Variants in KIF26B observed in about 807,000 individuals in gnomAD.
KIF26B encodes the protein kinesin family member 26B.
In KIF26B, 63 loss-of-function variants were observed where a neutral mutation model predicts 151.2. That is an observed-to-expected ratio of 0.42 (90% CI 0.34 to 0.51). The LOEUF is 0.51. KIF26B is among the 20% of genes least tolerant of loss of function. The pLI is 0.07. For missense variants in KIF26B, 2,813 were observed against 2,913.6 expected, an observed-to-expected ratio of 0.97 and a Z score of 0.79; for synonymous variants, 1,357 against 1,262.1, an observed-to-expected ratio of 1.08 and a Z score of -1.59.
chr1:245,289,860 C>G (rs755174636), intron 2 of KIF26B, among the ~76,000 whole-genome samples: 1 of 152,074 alleles, frequency 6.6e-6, no homozygotes, highest in African/African-American at 2.4e-5. Context: ...AAGTAGCAAC[C>G]CTCTGCTTAG....
chr1:245,242,216 C>A (rs1426557882), intron 2 of KIF26B, among the ~76,000 whole-genome samples: 2 of 152,202 alleles, frequency 1.3e-5, no homozygotes, highest in Non-Finnish European at 1.5e-5. Context: ...CACAGCGAGA[C>A]CCTGTCTCTA....
chr1:245,215,329 A>G (rs1489512339), intron 2 of KIF26B, among the ~76,000 whole-genome samples: 1 of 151,870 alleles, frequency 6.6e-6, no homozygotes, highest in African/African-American at 2.4e-5. Flanking sequence ...ACCTCCCTTC[A>G]CCGTGCTATT....
Position 245,687,887 on chromosome 1 carries a change from C to T in KIF26B, c.4904C>T (p.Ala1635Val), listed in dbSNP as rs946388727. Residue 1635 changes from alanine to valine, a missense_variant, in exon 12 of 15, where the codon GCG becomes GTG. Around this residue, in one of 3 missense-constraint regions of KIF26B, gnomAD observed 2,060 missense variants for 2,088.6 expected, o/e 0.99. Transcript: ENST00000407071. The surrounding 1 kb of genome is among the most constrained non-coding windows in gnomAD (Gnocchi z 4.9). ...SPLNQPAAFP[A>V]GLPDEPSGKT... Reference sequence around the variant, plus strand: ...CTGAACCAACCAGCCGCCTTCCCGGCGGGCCTCCCAGACGAGCCTAGCGGC... The same window carrying T: ...CTGAACCAACCAGCCGCCTTCCCGGTGGGCCTCCCAGACGAGCCTAGCGGC... The T allele has an allele frequency of 4.4e-6, 7 of 1,590,848 alleles. No homozygotes were observed. Among genetic ancestry groups the T allele is most frequent in the Non-Finnish European group, 6.0e-6 (7 of 1,170,408 alleles).
At position 245,688,016 on chromosome 1, in the gene KIF26B, A is replaced by G. The variant is rs1317836761; in HGVS notation, c.5033A>G (p.Glu1678Gly). The change falls in exon 12 of 15, where the codon GAA (glutamate) becomes GGA (glycine). Residue 1678 changes from glutamate to glycine, a missense_variant. Physicochemically the swap from Glu to Gly is moderately conservative, Grantham distance 98 (BLOSUM62 -2). This residue lies in a region of KIF26B where 2,060 missense variants were observed against 2,088.6 expected (regional missense o/e 0.99). Coordinates refer to ENST00000407071, the MANE Select transcript of KIF26B (RefSeq NM_018012.4). ...GGCAGGGCGACAGTCAGCCACTACG[A>G]ATGCCTCTCCCTGGAGCGGGCCGAG... Reference protein sequence around the residue: ...SLGRATVSHYECLSLERAESL... With the variant: ...SLGRATVSHYGCLSLERAESL... The G allele has an allele frequency of 3.2e-6, 5 of 1,562,666 alleles. No homozygotes were observed. The highest frequency in any genetic ancestry group is 4.3e-6 in the Non-Finnish European group (5 of 1,154,742).
In KIF26B at chr1:245,640,122, G is replaced by GCTCTCTCTCTCTCT. The variant is rs376565844; in HGVS notation, c.2099-5990_2099-5977dup. 7.3e-3 allele frequency among the ~76,000 whole-genome samples: 395 copies of GCTCTCTCTCTCTCT among 53,896 alleles called. 57 individuals are homozygous for GCTCTCTCTCTCTCT. Among genetic ancestry groups the GCTCTCTCTCTCTCT allele is most frequent in the African/African-American group, 0.018 (243 of 13,290 alleles). 35.4% of individuals were successfully genotyped at this position (53,896 alleles called of 152,430 possible). ...CTCCTGTTTAGATCTACTAATATTT[G>GCTCTCTCTCTCTCT]CTCTCTCTCTCTCTCTCTCTCTATA... On this transcript the variant is annotated intron_variant, in intron 9 of 14. Transcript: ENST00000407071.
At chr1:245,295,029 A>G (rs116346961) in intron 2 of KIF26B, among the ~76,000 whole-genome samples, 73 of 152,238 alleles carry the variant, frequency 4.8e-4, no homozygotes, top group Non-Finnish European at 8.5e-4. Context: ...CATATTTTCT[A>G]AAGTACATCC....
chr1:245,387,152 T>G (rs1673567863), intron 3 of KIF26B, among the ~76,000 whole-genome samples: 1 of 90,420 alleles, frequency 1.1e-5, no homozygotes, highest in African/African-American at 5.1e-5. Context: ...AGGTTTTTTT[T>G]TGTTTTTTGT....
intron 8 of KIF26B, among the ~76,000 whole-genome samples, chr1:245,609,956 A>T (rs2043500858): frequency 1.3e-5 from 2 of 152,180 alleles, no homozygotes; most frequent in Non-Finnish European, 1.5e-5. Flanking sequence ...TGCAGGAAAA[A>T]CTAATAACCA....
chr1:245,563,880 G>A lies in KIF26B; in HGVS notation c.1350+22930G>A, dbSNP rs954873676. On this transcript the variant is annotated intron_variant, in intron 5 of 14. Transcript: ENST00000407071. The surrounding 1 kb of genome is among the most constrained non-coding windows in gnomAD (Gnocchi z 4.6). The stretch of plus-strand genomic sequence containing the variant: ...TGAACTTGACCTTGCTCTCCTCCTC[G>A]GGTCAGGCCTGCCGACCCTGCACTA... Among the ~76,000 whole-genome samples the A allele has an allele frequency of 2.6e-5, 4 of 152,034 alleles. No homozygotes were observed. The highest frequency in any genetic ancestry group is 4.4e-5 in the Non-Finnish European group (3 of 68,000).
At chr1:245,660,142 T>C (rs1022148647) in intron 10 of KIF26B, among the ~76,000 whole-genome samples, 22 of 151,614 alleles carry the variant, frequency 1.5e-4, no homozygotes. Context: ...TATTTATGAC[T>C]ACAACTCTCC....
In KIF26B at chr1:245,590,906, AAAAAAAAG is replaced by A. The variant is rs1420515866; in HGVS notation, c.1351-11663_1351-11656del. On this transcript the variant is annotated intron_variant, in intron 5 of 14. Transcript: ENST00000407071. ...CTGGGTGACAGTGAGATCCTGTCTC[AAAAAAAAG>A]AAAAAAAAAAAAAAAAATTGGATGA... Among the ~76,000 whole-genome samples the A allele has an allele frequency of 8.3e-5, 9 of 108,398 alleles. No individual in the cohort carries two copies. The South Asian group carries it at 1.2e-3, about 14-fold the overall frequency. The allele number at this position is 108,398 out of a possible 152,430, so 71.1% of individuals were successfully genotyped here.
intron 2 of KIF26B, among the ~76,000 whole-genome samples, chr1:245,269,244 G>C (rs61829573): frequency 0.23 from 6,039 of 26,106 alleles, 116 homozygotes; most frequent in Admixed American, 0.27. Context: ...TCCTCCCACC[G>C]AACGGCCCCT....
intron 2 of KIF26B, among the ~76,000 whole-genome samples, chr1:245,181,967 T>C (rs148261095): frequency 1.3e-5 from 2 of 152,334 alleles, no homozygotes; most frequent in Admixed American, 1.3e-4. Context: ...AAAGTGGCTT[T>C]ATTGAGATAC....
chr1:245,267,797 T>C (rs560446066), intron 2 of KIF26B, among the ~76,000 whole-genome samples: 1 of 152,296 alleles, frequency 6.6e-6, no homozygotes, highest in Non-Finnish European at 1.5e-5. Flanking sequence ...GAATATATAA[T>C]GTGTCTCCTT....
At chr1:245,500,579 G>A (rs139568914) in intron 4 of KIF26B, among the ~76,000 whole-genome samples, 43 of 152,310 alleles carry the variant, frequency 2.8e-4, no homozygotes, top group African/African-American at 8.7e-4. Flanking sequence ...ATTGGCAAGC[G>A]TTTCATCTCC....
intron 6 of KIF26B, among the ~76,000 whole-genome samples, chr1:245,604,377 ACAGGCTC>A (rs1313573505): frequency 6.6e-6 from 1 of 152,210 alleles, no homozygotes; most frequent in Non-Finnish European, 1.5e-5. Context: ...AGCACATGTT[ACAGGCTC>A]CATTCATTAA....
In KIF26B at chr1:245,477,672, G is replaced by A. The variant is rs570063512; in HGVS notation, c.1166+57927G>A. Among the ~76,000 whole-genome samples the A allele has an allele frequency of 1.6e-3, 238 of 151,824 alleles. 3 individuals carry two copies. Among genetic ancestry groups the A allele is most frequent in the South Asian group, 7.0e-3 (33 of 4,742 alleles). On this transcript the variant is annotated intron_variant, in intron 4 of 14. Coordinates refer to ENST00000407071, the MANE Select transcript of KIF26B (RefSeq NM_018012.4). Reference sequence around the variant, plus strand: ...GAGGGAAAAGCATTCCCAGCAGAGGGAACAGCAAGGTTAAAGGTTTGAAGG... The same window carrying A: ...GAGGGAAAAGCATTCCCAGCAGAGGAAACAGCAAGGTTAAAGGTTTGAAGG...
intron 2 of KIF26B, among the ~76,000 whole-genome samples, chr1:245,317,022 AC>A (rs1250748449): frequency 1.3e-5 from 2 of 152,180 alleles, no homozygotes; most frequent in Non-Finnish European, 2.9e-5. Flanking sequence ...TACGATTTCA[AC>A]ATTTCAGGGT....
At chr1:245,479,743 CA>C (rs1473747303) in intron 4 of KIF26B, among the ~76,000 whole-genome samples, 2 of 151,740 alleles carry the variant, frequency 1.3e-5, no homozygotes, top group Non-Finnish European at 2.9e-5. Flanking sequence ...GAAATAACAA[CA>C]AGAGACAGAT....
Sources: allele counts gnomAD v4.1 joint callset (sites outside exome capture counted in the v4.1 genomes callset), GRCh38; gene constraint gnomAD v4.1.1; regional missense constraint gnomAD v4.1.1; non-coding constraint Gnocchi (gnomAD v3.1); transcripts MANE v1.5; gene names NCBI Gene and HGNC (gene_info 2026-07-23, HGNC 2026-07-21).